ZNF790: variants seen among roughly 807,000 people sequenced by gnomAD.
ZNF790 encodes zinc finger protein 790.
In ZNF790, 8 loss-of-function variants were observed where a neutral mutation model predicts 12.1. The ratio of observed to expected loss-of-function variants is 0.66; its 90% CI spans 0.39 to 1.19. ZNF790 has a LOEUF of 1.19. ZNF790 is among the 50% of genes most tolerant of loss of function. The pLI, the probability that ZNF790 is intolerant of heterozygous loss-of-function variation, is 0.01. For missense variants in ZNF790, 707 were observed against 752.2 expected (o/e 0.94, Z 0.70); for synonymous variants, 252 against 244.3 (o/e 1.03, Z -0.29).
chr19:36,850,127 C>G (rs566826588), exon 1 of ZNF790: 2 of 152,434 alleles, frequency 1.3e-5, no homozygotes, highest in Admixed American at 6.5e-5. Context: ...CTGCCCGCCT[C>G]AAGAGCGTCT....
chr19:36,825,899 A>G (rs1480472841), intron 1 of ZNF790, among the ~76,000 whole-genome samples: 1 of 152,200 alleles, frequency 6.6e-6, no homozygotes, highest in Admixed American at 6.5e-5. Flanking sequence ...GGATACTACT[A>G]GATAAGTCAA....
At chr19:36,830,707 C>A (rs939000479) in intron 1 of ZNF790, among the ~76,000 whole-genome samples, 3 of 152,080 alleles carry the variant, frequency 2.0e-5, no homozygotes, top group Non-Finnish European at 4.4e-5. Flanking sequence ...AGGAAGAAAC[C>A]CTTGAGCAAA....
intron 1 of ZNF790, 120 bp from the exon 2 acceptor site, chr19:36,825,812 C>T: frequency 6.3e-6 from 4 of 637,474 alleles, no homozygotes; most frequent in Non-Finnish European, 1.1e-5. Context: ...CTGGCCCTAT[C>T]CAAAACCAGA....
intron 1 of ZNF790, among the ~76,000 whole-genome samples, chr19:36,844,654 C>A (rs145640533): frequency 1.3e-5 from 2 of 152,138 alleles, no homozygotes; most frequent in Non-Finnish European, 2.9e-5. Flanking sequence ...ATATATATAA[C>A]CTAGAATTCT....
At chr19:36,823,161 G>A (rs536728554) in intron 4 of ZNF790, 124 bp downstream of exon 4, 8 of 773,164 alleles carry the variant, frequency 1.0e-5, no homozygotes, top group African/African-American at 5.2e-5. Flanking sequence ...CACCACACCC[G>A]GCCCATTTTT....
chr19:36,829,867 G>A (rs751082693), intron 1 of ZNF790, among the ~76,000 whole-genome samples: 3 of 151,996 alleles, frequency 2.0e-5, no homozygotes, highest in Admixed American at 6.6e-5. Context: ...ATGCCCGGCT[G>A]ACAATTATTT....
chr19:36,825,818 C>G, intron 1 of ZNF790, 126 bp from the exon 2 acceptor site: 1 of 626,702 alleles, frequency 1.6e-6, no homozygotes, highest in South Asian at 1.9e-5. Context: ...CTATCCAAAA[C>G]CAGAGAGATT....
At chr19:36,844,388 A>G (rs2072158602) in intron 1 of ZNF790, among the ~76,000 whole-genome samples, 1 of 152,116 alleles carries the variant, frequency 6.6e-6, no homozygotes, top group African/African-American at 2.4e-5. Flanking sequence ...CAAACAAGCA[A>G]ACAATAGAAA....
chr19:36,839,533 T>G (rs1162565378), upstream of ZNF790, among the ~76,000 whole-genome samples: 1 of 152,156 alleles, frequency 6.6e-6, no homozygotes, highest in East Asian at 1.9e-4. Context: ...CCAGAATAGC[T>G]GGGACTACAG....
chr19:36,832,544 T>C (rs1467124819), intron 1 of ZNF790, among the ~76,000 whole-genome samples: 1 of 152,080 alleles, frequency 6.6e-6, no homozygotes, highest in Non-Finnish European at 1.5e-5. Context: ...TGAAGTCTAT[T>C]GCCAATAGCC....
chr19:36,839,211 C>T (rs1340604875), upstream of ZNF790, among the ~76,000 whole-genome samples: 2 of 152,200 alleles, frequency 1.3e-5, no homozygotes, highest in African/African-American at 4.8e-5. Flanking sequence ...TCTAAACTTT[C>T]TGACAGAGGA....
At chr19:36,837,412 G>C (rs1464125287) in intron 1 of ZNF790, among the ~76,000 whole-genome samples, 1 of 152,080 alleles carries the variant, frequency 6.6e-6, no homozygotes, top group East Asian at 1.9e-4. Context: ...TGGAACAGAT[G>C]GCCGGCCTCC....
intron 2 of ZNF790, 98 bp from the exon 3 acceptor site, chr19:36,823,888 AG>A: frequency 1.7e-6 from 2 of 1,151,152 alleles, no homozygotes; most frequent in Non-Finnish European, 2.4e-6. Context: ...GGGGCACTGC[AG>A]GGAGTGGGGC....
rs1267592211 is a variant in ZNF790 at position 36,819,624 on chromosome 19, A to T, written c.720T>A (p.Ser240Arg). The T allele has an allele frequency of 3.1e-6, 5 of 1,607,132 alleles. No individual in the cohort carries two copies. Among genetic ancestry groups the T allele is most frequent in the Non-Finnish European group, 4.3e-6 (5 of 1,176,150 alleles). Residue 240 changes from serine to arginine, a missense_variant, in exon 5 of 5, where the codon AGT becomes AGA. Ser to Arg is a moderately radical substitution (Grantham distance 110, BLOSUM62 -1). Coordinates refer to ENST00000356725, the MANE Select transcript of ZNF790 (RefSeq NM_206894.4). ...TATGAATTCTCTTATGACCAGTAAG[A>T]CTCGAACGTAAACTAAAAGACTTCC... Reference protein sequence around the residue: ...ECGKSFSLRSSLTGHKRIHTG... With the variant: ...ECGKSFSLRSRLTGHKRIHTG...
chr19:36,818,708 C>T lies in ZNF790; in HGVS notation c.1636G>A (p.Gly546Ser). The T allele has an allele frequency of 6.2e-7, 1 of 1,613,448 alleles. No homozygotes were observed. The highest frequency in any genetic ancestry group is 8.5e-7 in the Non-Finnish European group (1 of 1,179,832). The change falls in exon 5 of 5, where the codon GGT becomes AGT. Residue 546 changes from glycine (G) to serine (S), a missense_variant. Coordinates refer to ENST00000356725, the MANE Select transcript of ZNF790 (RefSeq NM_206894.4). ...CKECGKSFIW[G>S]SQLTRHKKIH... ...TTCTTATGTCGTGTAAGCTGTGAAC[C>T]CCAGATAAAAGATTTCCCACATTCT...
intron 1 of ZNF790, among the ~76,000 whole-genome samples, chr19:36,849,193 C>T (rs1007100415): frequency 1.3e-5 from 2 of 152,128 alleles, no homozygotes; most frequent in African/African-American, 2.4e-5. Flanking sequence ...TTCCAAAGTG[C>T]TGAGATCACA....
intron 1 of ZNF790, among the ~76,000 whole-genome samples, chr19:36,831,603 A>T (rs2071945826): frequency 6.6e-6 from 1 of 152,220 alleles, no homozygotes; most frequent in Admixed American, 6.5e-5. Flanking sequence ...ATAGTATGGA[A>T]CACAGAATAC....
At position 36,818,611 on chromosome 19, in the gene ZNF790, G is replaced by A; in HGVS notation, c.1733C>T (p.Thr578Ile). 6.2e-7 allele frequency: 1 copy of A among 1,611,354 alleles called. No individual in the cohort carries two copies. Among genetic ancestry groups the A allele is most frequent in the Non-Finnish European group, 8.5e-7 (1 of 1,178,340 alleles). ...SHIFSHHSYF[T>I]EQKIHNSANL... ...TGCACTATTATGAATTTTTTGTTCA[G>A]TAAAATATGAATGGTGACTAAAGAT... is the stretch of plus-strand genomic sequence containing the variant. Residue 578 changes from threonine to isoleucine, a missense_variant, in exon 5 of 5, where the codon ACT becomes ATT. Transcript: ENST00000356725.
At chr19:36,823,451 T>C (rs1411546881) in intron 3 of ZNF790, 71 bp from the exon 4 acceptor site, 1 of 1,458,526 alleles carries the variant, frequency 6.9e-7, no homozygotes, top group African/African-American at 1.4e-5. Context: ...ACTTCTTTGG[T>C]TACTAAGGAA....
Sources: allele counts gnomAD v4.1 joint callset (sites outside exome capture counted in the v4.1 genomes callset), GRCh38; gene constraint gnomAD v4.1.1; transcripts MANE v1.5; gene names NCBI Gene and HGNC (gene_info 2026-07-23, HGNC 2026-07-21).